Variants in CAPN3 observed in about 807,000 individuals in gnomAD.
The protein encoded by CAPN3 is calpain-3.
CAPN3 carries 88 observed loss-of-function variants against 114.0 expected under a neutral mutation model. That is an observed-to-expected ratio of 0.77 (90% CI 0.65 to 0.92). The LOEUF is 0.92. CAPN3 is among the 40% of genes least tolerant of loss of function. The probability of loss-of-function intolerance (pLI) is 0.00; values close to 1 mark genes in which losing one functional copy is unlikely to be tolerated. For missense variants in CAPN3, 1,028 were observed against 1,069.0 expected, an observed-to-expected ratio of 0.96 and a Z score of 0.53; for synonymous variants, 386 against 382.9, an observed-to-expected ratio of 1.01 and a Z score of -0.09.
intron 1 of CAPN3, among the ~76,000 whole-genome samples, chr15:42,380,745 A>ATTTTTT (rs1566972288): frequency 1.8e-5 from 1 of 55,944 alleles, no homozygotes; most frequent in African/African-American, 1.0e-4. Flanking sequence ...ATATATATAT[A>ATTTTTT]TATATATTTT....
intron 11 of CAPN3, 60 bp downstream of exon 11, chr15:42,401,870 AG>A: frequency 6.4e-7 from 1 of 1,552,178 alleles, no homozygotes; most frequent in South Asian, 1.2e-5. Context: ...GGACGCTTCC[AG>A]GGGCTTCTAG....
Position 42,399,498 on chromosome 15 carries a change from CTA to C in CAPN3, c.1202_1203del (p.Tyr401Ter). 2 of 1,613,516 alleles carry C rather than the reference CTA, an allele frequency of 1.2e-6. No homozygotes were observed. Among genetic ancestry groups the C allele is most frequent in the Non-Finnish European group, 1.7e-6 (2 of 1,179,470 alleles). Reference sequence around the variant, plus strand: ...TCTTCTTCCAACCTCTCAGGATGTCCTATGAGGATTTCATCTACCATTTCACA... The same window carrying C: ...TCTTCTTCCAACCTCTCAGGATGTCCTGAGGATTTCATCTACCATTTCACA... ...VTEDGEFWMS[Y>X]EDFIYHFTKL... is the part of the protein sequence containing the mutation. On this transcript the variant is annotated frameshift_variant, in exon 10 of 24. Coordinates refer to ENST00000397163, the MANE Select transcript of CAPN3 (RefSeq NM_000070.3). LOFTEE classifies it high-confidence loss of function.
At position 42,411,968 on chromosome 15, in the gene CAPN3, T is replaced by A; in HGVS notation, c.*195T>A. 1 of 1,515,854 alleles carries A rather than the reference T, an allele frequency of 6.6e-7. No individual in the cohort carries two copies. The allele number at this position is 1,515,854 out of a possible 1,614,324, so 93.9% of individuals were successfully genotyped here. A position where few individuals can be genotyped will look rare whatever the true frequency, so the allele number is the denominator to read the frequency against. ...GGTCATGCCTAGCCTGACCCTTTAG[T>A]AAAGCAATGAGGTAGGAAGAACAAA... On this transcript the variant is annotated 3_prime_UTR_variant, in exon 24 of 24. Transcript: ENST00000397163.
chr15:42,410,564 C>T, intron 20 of CAPN3, 24 bp from the exon 21 acceptor site: 1 of 1,612,180 alleles, frequency 6.2e-7, no homozygotes, highest in Non-Finnish European at 8.5e-7. Context: ...GTGTGACCTC[C>T]ATCCTCAAAT....
At position 42,411,931 on chromosome 15, in the gene CAPN3, C is replaced by T; in HGVS notation, c.*158C>T. 6.5e-7 allele frequency: 1 copy of T among 1,548,158 alleles called. No individual in the cohort carries two copies. The highest frequency in any genetic ancestry group is 2.0e-5 in the Admixed American group (1 of 50,766). On this transcript the variant is annotated 3_prime_UTR_variant, in exon 24 of 24. Transcript: ENST00000397163. ...GCTCCTCCTCCATTTTACCCCCTAC[C>T]CATCCTTGATCGGTCATGCCTAGCC... is the stretch of plus-strand genomic sequence containing the variant.
chr15:42,403,077 C>A (rs2141203636), intron 13 of CAPN3, 75 bp downstream of exon 13: 1 of 1,222,064 alleles, frequency 8.2e-7, no homozygotes, highest in Non-Finnish European at 1.2e-6. Context: ...AGGCATGAGG[C>A]AGCTAGACAC....
At chr15:42,371,741 A>T (rs1416254922) in intron 1 of CAPN3, among the ~76,000 whole-genome samples, 2 of 152,140 alleles carry the variant, frequency 1.3e-5, no homozygotes, top group Admixed American at 6.5e-5. Flanking sequence ...AGATGGGCAG[A>T]TCACCTGAGG....
At chr15:42,390,244 T>C (rs1595824121) in intron 6 of CAPN3, 148 bp downstream of exon 6, 2 of 863,192 alleles carry the variant, frequency 2.3e-6, no homozygotes, top group Non-Finnish European at 3.7e-6. Flanking sequence ...AATAACTTGC[T>C]CAGCCAAGGC....
chr15:42,395,826 C>T (rs1190613279), intron 8 of CAPN3, among the ~76,000 whole-genome samples: 1 of 152,224 alleles, frequency 6.6e-6, no homozygotes, highest in African/African-American at 2.4e-5. Flanking sequence ...TGACTCCAAG[C>T]GCTTCCTCCA....
chr15:42,402,714 G>A, intron 12 of CAPN3, 80 bp from the exon 13 acceptor site: 1 of 1,582,226 alleles, frequency 6.3e-7, no homozygotes, highest in Non-Finnish European at 8.7e-7. Context: ...AGTTGGGAAG[G>A]GACCCTTGGA....
chr15:42,383,110 G>T (rs1357676656), intron 1 of CAPN3, among the ~76,000 whole-genome samples: 1 of 152,170 alleles, frequency 6.6e-6, no homozygotes, highest in East Asian at 1.9e-4. Context: ...CGCATGCTGT[G>T]GGGTGTAGCA....
intron 10 of CAPN3, among the ~76,000 whole-genome samples, chr15:42,400,456 G>A (rs1009676910): frequency 6.6e-6 from 1 of 152,130 alleles, no homozygotes; most frequent in Non-Finnish European, 1.5e-5. Flanking sequence ...AGAAGATCGG[G>A]TGGGTGGCTC....
At chr15:42,380,767 T>A (rs1210697393) in intron 1 of CAPN3, among the ~76,000 whole-genome samples, 1 of 127,276 alleles carries the variant, frequency 7.9e-6, no homozygotes, top group African/African-American at 3.6e-5. Flanking sequence ...TTTTTTTTTT[T>A]TTTTGTAAAG....
chr15:42,401,248 C>T (rs1239894020), intron 10 of CAPN3, among the ~76,000 whole-genome samples: 3 of 151,182 alleles, frequency 2.0e-5, no homozygotes, highest in African/African-American at 7.3e-5. Flanking sequence ...AGGCATCATG[C>T]GCGTGTAGGG....
At chr15:42,404,500 C>T (rs1424346707) in intron 14 of CAPN3, 1 of 453,352 alleles carries the variant, frequency 2.2e-6, no homozygotes, top group Non-Finnish European at 4.4e-6. Context: ...TCACAGAGCT[C>T]AGTAAGTGGC....
intron 14 of CAPN3, among the ~76,000 whole-genome samples, chr15:42,405,459 C>A (rs1566982406): frequency 1.3e-5 from 2 of 152,070 alleles, no homozygotes; most frequent in Non-Finnish European, 2.9e-5. Context: ...TACAGGTGCC[C>A]ACCATCACGC....
chr15:42,387,681 G>T, intron 3 of CAPN3, 72 bp from the exon 4 acceptor site: 1 of 1,572,694 alleles, frequency 6.4e-7, no homozygotes, highest in Non-Finnish European at 8.8e-7. Context: ...ACCCCCTGAG[G>T]AATGTGGAGG....
intron 15 of CAPN3, 31 bp from the exon 16 acceptor site, chr15:42,408,180 T>C: frequency 6.8e-7 from 1 of 1,477,738 alleles, no homozygotes; most frequent in African/African-American, 1.4e-5. Context: ...TAATCCTCCC[T>C]TCCTTCCTGC....
At chr15:42,408,489 G>A in intron 16 of CAPN3, 165 bp downstream of exon 16, 1 of 629,082 alleles carries the variant, frequency 1.6e-6, no homozygotes, top group South Asian at 1.5e-5. Flanking sequence ...CCTGAAATTT[G>A]GGCTGCTGCT....
Sources: gnomAD v4.1 joint callset for allele counts (sites outside exome capture counted in the v4.1 genomes callset) on GRCh38, gnomAD v4.1.1 for gene constraint, MANE v1.5 for transcripts, NCBI Gene and HGNC (gene_info 2026-07-23, HGNC 2026-07-21) for gene names.